Variants in BCL7A observed in about 807,000 individuals in gnomAD.
The protein encoded by BCL7A is BAF chromatin remodeling complex subunit BCL7A, also known as B-cell CLL/lymphoma 7 protein family member A.
Under a neutral mutation model 28.4 loss-of-function variants are expected in BCL7A, and 11 were observed. The observed-to-expected ratio is 0.39, with a 90% confidence interval of 0.24 to 0.64. BCL7A has a LOEUF of 0.64. Among genes scored for constraint, BCL7A ranks in the 30% least tolerant of loss-of-function variants. The probability of loss-of-function intolerance (pLI) is 0.50; values close to 1 mark genes in which losing one functional copy is unlikely to be tolerated. For missense variants in BCL7A, 222 were observed against 274.8 expected, an observed-to-expected ratio of 0.81 and a Z score of 1.36; for synonymous variants, 123 against 103.3, an observed-to-expected ratio of 1.19 and a Z score of -1.15.
In BCL7A at chr12:122,060,154, GT is replaced by G; in HGVS notation, c.*992del. 4.3e-6 allele frequency: 1 copy of G among 233,048 alleles called. No individual in the cohort carries two copies. Among genetic ancestry groups the G allele is most frequent in the Non-Finnish European group, 8.5e-6 (1 of 117,686 alleles). 14.4% of individuals were successfully genotyped at this position (233,048 alleles called of 1,614,324 possible). On this transcript the variant is annotated 3_prime_UTR_variant, in exon 6 of 6. Transcript: ENST00000261822. The stretch of plus-strand genomic sequence containing the variant: ...GGTGCTGAACTTTCTCTCATAGGAC[GT>G]CGCTTGGATTTCAAATCCACGGTCA...
intron 4 of BCL7A, among the ~76,000 whole-genome samples, chr12:122,045,539 G>T (rs1036073035): frequency 4.6e-5 from 7 of 152,122 alleles, no homozygotes; most frequent in Non-Finnish European, 1.0e-4. Flanking sequence ...AAGAACAGAT[G>T]ATGGGGTGAT....
chr12:122,031,351 A>AGC (rs1295442822), intron 2 of BCL7A, among the ~76,000 whole-genome samples: 1 of 138,860 alleles, frequency 7.2e-6, no homozygotes, highest in Non-Finnish European at 1.6e-5. Flanking sequence ...TTCTGGGCCG[A>AGC]GCGCCCCCCC....
chr12:122,044,983 G>C (rs560567515), intron 4 of BCL7A, among the ~76,000 whole-genome samples: 1 of 152,040 alleles, frequency 6.6e-6, no homozygotes, highest in Non-Finnish European at 1.5e-5. Context: ...TGGTCGGGGC[G>C]GCCTTTGAAT....
intron 5 of BCL7A, among the ~76,000 whole-genome samples, chr12:122,055,951 C>T (rs1182500836): frequency 5.3e-5 from 8 of 152,170 alleles, no homozygotes; most frequent in Admixed American, 5.2e-4. Flanking sequence ...ATTGGCAGGT[C>T]CCTTTCCAGA....
rs1428227265 is a variant in BCL7A at position 122,059,364 on chromosome 12, A to G, written c.*201A>G. ...ACTCTGCTGTGAAGCAAAACACTCAAACCTTTAAGGGACTGTCCTTGGGGA... is the reference window on the plus strand; with the variant it reads ...ACTCTGCTGTGAAGCAAAACACTCAGACCTTTAAGGGACTGTCCTTGGGGA... On this transcript the variant is annotated 3_prime_UTR_variant, in exon 6 of 6. Coordinates refer to ENST00000261822, the MANE Select transcript of BCL7A (RefSeq NM_001024808.3). The surrounding 1 kb of genome is among the most constrained non-coding windows in gnomAD (Gnocchi z 4.0). 6 of 544,496 alleles carry G rather than the reference A, an allele frequency of 1.1e-5. No homozygotes were observed. The highest frequency in any genetic ancestry group is 2.9e-4 in the Middle Eastern group (1 of 3,476). 33.7% of individuals were successfully genotyped at this position (544,496 alleles called of 1,614,324 possible). A position where few individuals can be genotyped will look rare whatever the true frequency, so the allele number is the denominator to read the frequency against.
intron 1 of BCL7A, among the ~76,000 whole-genome samples, chr12:122,023,893 G>A (rs952150602): frequency 2.0e-5 from 3 of 152,290 alleles, no homozygotes; most frequent in Admixed American, 1.3e-4. Flanking sequence ...CCCTTCTGTC[G>A]CCGGCCTGGA....
At chr12:122,056,805 C>CA (rs1367505191) in intron 5 of BCL7A, among the ~76,000 whole-genome samples, 3 of 151,818 alleles carry the variant, frequency 2.0e-5, no homozygotes, top group Non-Finnish European at 4.4e-5. Flanking sequence ...GACCCTGTCT[C>CA]AAAAAAATAA....
intron 3 of BCL7A, among the ~76,000 whole-genome samples, chr12:122,041,600 CA>C (rs71082934): frequency 0.4 from 60,464 of 151,830 alleles, 13,427 homozygotes; most frequent in Non-Finnish European, 0.52. Context: ...CCCATCTCTA[CA>C]AAAAACTTAA....
Position 122,029,087 on chromosome 12 carries a change from C to T in BCL7A, c.93-1613C>T, listed in dbSNP as rs1190501924. 1.3e-5 allele frequency among the ~76,000 whole-genome samples: 2 copies of T among 152,094 alleles called. No individual in the cohort carries two copies. The highest frequency in any genetic ancestry group is 2.9e-5 in the Non-Finnish European group (2 of 68,018). ...CAACAGCTGTGCTGGGTGAAGGGTT[C>T]GAGTGCTGGCTCTGGGAGAATGAGT... On this transcript the variant is annotated intron_variant, in intron 1 of 5. Coordinates refer to ENST00000261822, the MANE Select transcript of BCL7A (RefSeq NM_001024808.3). This position sits in a 1 kb window ranked among gnomAD's most constrained non-coding sequence, Gnocchi z 4.3.
chr12:122,023,947 G>C (rs1883545132), intron 1 of BCL7A, among the ~76,000 whole-genome samples: 1 of 152,198 alleles, frequency 6.6e-6, no homozygotes, highest in African/African-American at 2.4e-5. Flanking sequence ...GCTCGAGGAG[G>C]CGTGGTGGGG....
In BCL7A at chr12:122,035,360, C is replaced by T. The variant is rs188720973; in HGVS notation, c.204C>T (p.Asp68=). 2 of 1,614,168 alleles carry T rather than the reference C, an allele frequency of 1.2e-6. No homozygotes were observed. The highest frequency in any genetic ancestry group is 2.2e-5 in the East Asian group (1 of 44,884). The change falls in exon 3 of 6, where the codon GAC becomes GAT. Residue 68 remains aspartate, a synonymous_variant. Transcript: ENST00000261822. ...ACAAGAATAAGAAAAAAGGCAAGGA[C>T]GAGAAGTGTGGCTCAGAGGTGACCA... ...DKNKNKKKGK[D]EKCGSEVTTP...
chr12:122,061,515 G>A lies in BCL7A; in HGVS notation c.*2352G>A, dbSNP rs1347393095. The A allele has an allele frequency of 8.6e-6, 2 of 232,594 alleles. No individual in the cohort carries two copies. Among genetic ancestry groups the A allele is most frequent in the Non-Finnish European group, 1.7e-5 (2 of 117,752 alleles). The allele number at this position is 232,594 out of a possible 1,614,324, so 14.4% of individuals were successfully genotyped here. On this transcript the variant is annotated 3_prime_UTR_variant, in exon 6 of 6. Coordinates refer to ENST00000261822, the MANE Select transcript of BCL7A (RefSeq NM_001024808.3). ...AATGACAAGACTGCAAAAATCCGATGTGCTTCCTTCCCTGGCGCAGTCGCT... is the reference window on the plus strand; with the variant it reads ...AATGACAAGACTGCAAAAATCCGATATGCTTCCTTCCCTGGCGCAGTCGCT...
intron 1 of BCL7A, among the ~76,000 whole-genome samples, chr12:122,022,945 T>C (rs914378964): frequency 6.6e-6 from 1 of 152,068 alleles, no homozygotes; most frequent in Admixed American, 6.5e-5. Context: ...CCAGAAGCCG[T>C]TCGTCCTGGG....
intron 5 of BCL7A, among the ~76,000 whole-genome samples, chr12:122,058,204 T>G (rs1033313964): frequency 6.6e-6 from 1 of 151,816 alleles, no homozygotes; most frequent in Admixed American, 6.6e-5. Context: ...CTAAAAAAAA[T>G]TATAAAAAGA....
intron 1 of BCL7A, among the ~76,000 whole-genome samples, chr12:122,030,161 C>T (rs1883710986): frequency 6.6e-6 from 1 of 152,240 alleles, no homozygotes; most frequent in Non-Finnish European, 1.5e-5. Flanking sequence ...CTCCCTGGCT[C>T]TCCTTGGCCG....
intron 3 of BCL7A, among the ~76,000 whole-genome samples, chr12:122,042,691 C>G (rs540869433): frequency 6.6e-6 from 1 of 151,682 alleles, no homozygotes; most frequent in South Asian, 2.1e-4. Context: ...GGAGTCCTGA[C>G]AGTGGCCGGC....
intron 5 of BCL7A, among the ~76,000 whole-genome samples, chr12:122,055,352 G>A (rs2135861094): frequency 6.6e-6 from 1 of 152,260 alleles, no homozygotes; most frequent in East Asian, 1.9e-4. Flanking sequence ...GCACTGCATG[G>A]GCCCCTCTCC....
At chr12:122,046,251 C>T (rs181657248) in intron 4 of BCL7A, among the ~76,000 whole-genome samples, 1 of 152,018 alleles carries the variant, frequency 6.6e-6, no homozygotes, top group Non-Finnish European at 1.5e-5. Context: ...CCTGGAGGGA[C>T]AGCAGTGGCT....
At chr12:122,028,944 G>T (rs936885566) in intron 1 of BCL7A, among the ~76,000 whole-genome samples, 1 of 152,100 alleles carries the variant, frequency 6.6e-6, no homozygotes, top group Non-Finnish European at 1.5e-5. Context: ...TGGGCATTGT[G>T]GTTTGTCTGC....
Sources: gnomAD v4.1 joint callset for allele counts (sites outside exome capture counted in the v4.1 genomes callset) on GRCh38, gnomAD v4.1.1 for gene constraint, Gnocchi (gnomAD v3.1) non-coding constraint, MANE v1.5 for transcripts, NCBI Gene and HGNC (gene_info 2026-07-23, HGNC 2026-07-21) for gene names.